The following KANSL1L variants were observed in gnomAD, a reference collection of about 807,000 sequenced individuals.
KANSL1L encodes KAT8 regulatory NSL complex subunit 1 like.
Under a neutral mutation model 108.6 loss-of-function variants are expected in KANSL1L, and 25 were observed. The ratio of observed to expected loss-of-function variants is 0.23; its 90% CI spans 0.17 to 0.32. The LOEUF is 0.32. KANSL1L is among the 10% of genes least tolerant of loss of function. The pLI, the probability that KANSL1L is intolerant of heterozygous loss-of-function variation, is 1.00. For synonymous variants in KANSL1L, 405 were observed against 395.1 expected (o/e 1.03, Z -0.30); for missense variants, 1,137 against 1,125.7 (o/e 1.01, Z -0.14).
intron 5 of KANSL1L, among the ~76,000 whole-genome samples, chr2:210,077,318 T>C (rs1281837502): frequency 1.3e-5 from 2 of 152,090 alleles, no homozygotes; most frequent in Non-Finnish European, 2.9e-5. Flanking sequence ...TCTCGGTAAA[T>C]AAAAGGTTCT....
Position 210,154,361 on chromosome 2 carries a change from T to C in KANSL1L, c.222A>G (p.Ser74=). Residue 74 remains serine (S), a synonymous_variant, in exon 2 of 15, where the codon TCA becomes TCG. Coordinates refer to ENST00000281772, the MANE Select transcript of KANSL1L (RefSeq NM_152519.4). ...TTAAAAAAACAGTCTGGTAATGTTT[T>C]GAAGACTGAGGGGAGCCAAAATGTT... ...NLKHFGSPQS[S]KHYQTVFLMR... 1 of 1,611,804 alleles carries C rather than the reference T, an allele frequency of 6.2e-7. No individual in the cohort carries two copies.
chr2:210,067,045 C>T lies in KANSL1L; in HGVS notation c.1755+8507G>A, dbSNP rs576770701. Among the ~76,000 whole-genome samples the T allele has an allele frequency of 2.3e-3, 345 of 152,270 alleles. 4 individuals are homozygous for T. Among genetic ancestry groups the T allele is most frequent in the Non-Finnish European group, 4.1e-3 (281 of 68,028 alleles). On this transcript the variant is annotated intron_variant, in intron 6 of 14. Transcript: ENST00000281772. ...AAAAGGCAGAGGAAGGGCAAATTCC[C>T]TTTCTTCTTAAGCTGGGACATTCAT...
chr2:210,038,669 G>A (rs923820904), intron 8 of KANSL1L, among the ~76,000 whole-genome samples: 2 of 151,740 alleles, frequency 1.3e-5, no homozygotes, highest in African/African-American at 2.4e-5. Context: ...CCTTAAATTT[G>A]TTTTAAAGTG....
Position 210,099,690 on chromosome 2 carries a change from ACAT to A in KANSL1L, c.1429-1486_1429-1484del, listed in dbSNP as rs369759306. 2.6e-3 allele frequency among the ~76,000 whole-genome samples: 393 copies of A among 152,266 alleles called. 1 individual carries two copies. Among genetic ancestry groups the A allele is most frequent in the African/African-American group, 8.7e-3 (361 of 41,552 alleles). On this transcript the variant is annotated intron_variant, in intron 4 of 14. Coordinates refer to ENST00000281772, the MANE Select transcript of KANSL1L (RefSeq NM_152519.4). Reference sequence around the variant, plus strand: ...CCTGTCATTGTTCCACCTCCAAAAAACATCATCTAAAATCTTTTAAGCCACTGG... The same window carrying A: ...CCTGTCATTGTTCCACCTCCAAAAAACATCTAAAATCTTTTAAGCCACTGG...
chr2:210,169,131 T>C (rs977076260), intron 1 of KANSL1L, among the ~76,000 whole-genome samples: 4 of 152,098 alleles, frequency 2.6e-5, no homozygotes, highest in African/African-American at 7.2e-5. Flanking sequence ...AATTTGGTGA[T>C]GACATAAGAG....
chr2:210,167,424 C>T (rs75030759), intron 1 of KANSL1L, among the ~76,000 whole-genome samples: 1,636 of 152,092 alleles, frequency 0.011, 26 homozygotes, highest in African/African-American at 0.035. Flanking sequence ...ACACATCAAA[C>T]AGATCATACT....
At chr2:210,124,999 A>C (rs1452731746) in intron 3 of KANSL1L, among the ~76,000 whole-genome samples, 1 of 152,200 alleles carries the variant, frequency 6.6e-6, no homozygotes, top group African/African-American at 2.4e-5. Flanking sequence ...CACATCTGTA[A>C]TCCCAGCACT....
chr2:210,090,503 A>G (rs1477294299), intron 5 of KANSL1L, among the ~76,000 whole-genome samples: 2 of 152,178 alleles, frequency 1.3e-5, no homozygotes, highest in Non-Finnish European at 2.9e-5. Context: ...CAAAGTATAT[A>G]TTATCACAGT....
At chr2:210,079,652 A>ATATGTGTGTG (rs1559539751) in intron 5 of KANSL1L, among the ~76,000 whole-genome samples, 2 of 20,176 alleles carry the variant, frequency 9.9e-5, no homozygotes, top group East Asian at 4.1e-3. Context: ...ATATATATAT[A>ATATGTGTGTG]TATATATATA....
At chr2:210,129,422 T>A (rs2095099419) in intron 2 of KANSL1L, among the ~76,000 whole-genome samples, 2 of 152,142 alleles carry the variant, frequency 1.3e-5, no homozygotes, top group Admixed American at 6.6e-5. Context: ...CCTCTGCTAT[T>A]CAATTCTTTA....
chr2:210,069,992 C>A (rs1165226222), intron 6 of KANSL1L, among the ~76,000 whole-genome samples: 2 of 150,962 alleles, frequency 1.3e-5, no homozygotes, highest in Non-Finnish European at 3.0e-5. Flanking sequence ...CCACACCCGG[C>A]TAACTTTTGT....
intron 2 of KANSL1L, 90 bp from the exon 3 acceptor site, chr2:210,129,262 A>G (rs1298060952): frequency 8.8e-7 from 1 of 1,134,092 alleles, no homozygotes; most frequent in Non-Finnish European, 1.2e-6. Context: ...TCCCATCATA[A>G]AAGCAAATTT....
intron 2 of KANSL1L, among the ~76,000 whole-genome samples, chr2:210,136,827 T>C (rs2125573814): frequency 6.6e-6 from 1 of 152,274 alleles, no homozygotes; most frequent in East Asian, 1.9e-4. Context: ...ATCAAAAAAA[T>C]GACTACCACT....
At chr2:210,123,308 G>T (rs915779731) in intron 3 of KANSL1L, among the ~76,000 whole-genome samples, 2 of 152,058 alleles carry the variant, frequency 1.3e-5, no homozygotes, top group African/African-American at 2.4e-5. Context: ...AATGGATAAA[G>T]AAAATGTTGT....
intron 1 of KANSL1L, among the ~76,000 whole-genome samples, chr2:210,170,900 T>A (rs1314631459): frequency 8.4e-5 from 2 of 23,908 alleles, no homozygotes; most frequent in Admixed American, 5.5e-4. Context: ...ACCCCTTCCC[T>A]CCCCAGCTGC....
intron 4 of KANSL1L, among the ~76,000 whole-genome samples, chr2:210,099,677 CCACCT>C (rs1460828860): frequency 6.6e-6 from 1 of 152,064 alleles, no homozygotes; most frequent in African/African-American, 2.4e-5. Flanking sequence ...TGTCATTGTT[CCACCT>C]CCAAAAAACA....
intron 8 of KANSL1L, among the ~76,000 whole-genome samples, chr2:210,039,351 CGTT>C (rs1304493236): frequency 1.3e-5 from 2 of 151,878 alleles, no homozygotes; most frequent in Middle Eastern, 3.4e-3. Flanking sequence ...TGTAGGTACT[CGTT>C]AAGTTTGATT....
At chr2:210,094,489 A>G (rs1169183321) in intron 5 of KANSL1L, among the ~76,000 whole-genome samples, 1 of 152,118 alleles carries the variant, frequency 6.6e-6, no homozygotes, top group African/African-American at 2.4e-5. Context: ...ATAGCAAGAT[A>G]TAAGAAATAA....
chr2:210,071,444 T>C (rs982860998), intron 6 of KANSL1L, among the ~76,000 whole-genome samples: 6 of 151,878 alleles, frequency 4.0e-5, no homozygotes, highest in East Asian at 2.0e-4. Context: ...ATTTTTGTAT[T>C]TTTTAGTAGA....
Sources: gnomAD v4.1 joint callset for allele counts (sites outside exome capture counted in the v4.1 genomes callset) on GRCh38, gnomAD v4.1.1 for gene constraint, MANE v1.5 for transcripts, NCBI Gene and HGNC (gene_info 2026-07-23, HGNC 2026-07-21) for gene names.